Variants in SLC22A15 observed in about 807,000 individuals in gnomAD.
SLC22A15 encodes the protein solute carrier family 22 member 15.
Under a neutral mutation model 62.7 loss-of-function variants are expected in SLC22A15, and 45 were observed. That is an observed-to-expected ratio of 0.72 (90% CI 0.56 to 0.92). The LOEUF (loss-of-function observed/expected upper bound fraction) is 0.92, where lower values mean the gene tolerates loss of function less well. Among genes scored for constraint, SLC22A15 ranks in the 40% least tolerant of loss-of-function variants. The probability of loss-of-function intolerance (pLI) is 0.00; values close to 1 mark genes in which losing one functional copy is unlikely to be tolerated. For missense variants in SLC22A15, 622 were observed against 665.6 expected (o/e 0.93, Z 0.72); for synonymous variants, 264 against 267.0 (o/e 0.99, Z 0.11).
chr1:116,052,117 A>G (rs936841073), intron 8 of SLC22A15, among the ~76,000 whole-genome samples: 2 of 152,212 alleles, frequency 1.3e-5, no homozygotes, highest in African/African-American at 4.8e-5. Context: ...CTCACTCGGG[A>G]AGTGCAAGGG....
chr1:116,002,939 G>C (rs1655809244), intron 2 of SLC22A15, among the ~76,000 whole-genome samples: 1 of 151,928 alleles, frequency 6.6e-6, no homozygotes, highest in South Asian at 2.1e-4. Flanking sequence ...CCACAGCTGG[G>C]AATGTGCTGG....
intron 1 of SLC22A15, 134 bp downstream of exon 1, chr1:115,976,848 G>A (rs1352920102): frequency 4.5e-6 from 3 of 663,882 alleles, no homozygotes; most frequent in African/African-American, 3.9e-5. Flanking sequence ...GGCGAGCGTC[G>A]GGGTGGGGCA....
intron 8 of SLC22A15, among the ~76,000 whole-genome samples, chr1:116,057,608 G>A (rs1384669533): frequency 2.0e-5 from 3 of 152,108 alleles, no homozygotes; most frequent in Non-Finnish European, 2.9e-5. Context: ...ACATGCACAC[G>A]TATGTTTATT....
chr1:116,061,260 G>A (rs965336519), intron 8 of SLC22A15, among the ~76,000 whole-genome samples: 3 of 152,170 alleles, frequency 2.0e-5, no homozygotes, highest in Non-Finnish European at 2.9e-5. Context: ...TCTGAGGCAC[G>A]CCAGTTGAAT....
At chr1:116,034,701 G>T (rs996680469) in intron 6 of SLC22A15, among the ~76,000 whole-genome samples, 1 of 152,168 alleles carries the variant, frequency 6.6e-6, no homozygotes, top group East Asian at 1.9e-4. Flanking sequence ...TTTTGGGCCT[G>T]CAGGTGACCC....
chr1:116,039,615 A>C (rs1657730354), intron 8 of SLC22A15, among the ~76,000 whole-genome samples: 1 of 152,082 alleles, frequency 6.6e-6, no homozygotes, highest in Admixed American at 6.6e-5. Context: ...AATTTCTATA[A>C]TTAATAACCA....
chr1:116,054,856 C>T (rs1300942640), intron 8 of SLC22A15, among the ~76,000 whole-genome samples: 4 of 151,738 alleles, frequency 2.6e-5, no homozygotes, highest in South Asian at 4.2e-4. Context: ...TTGAAACCAA[C>T]GAGAACAAAG....
At position 116,068,132 on chromosome 1, in the gene SLC22A15, A is replaced by G. The variant is rs1156941020; in HGVS notation, c.*1024A>G. ...GCCCCAATCTGTTTAATCAAAATGGAAGGTTCAGTAATTTCATGGGAAACC... is the reference window on the plus strand; with the variant it reads ...GCCCCAATCTGTTTAATCAAAATGGGAGGTTCAGTAATTTCATGGGAAACC... On this transcript the variant is annotated 3_prime_UTR_variant, in exon 12 of 12. Transcript: ENST00000369503. 3 of 152,678 alleles carry G rather than the reference A, an allele frequency of 2.0e-5. No homozygotes were observed. The allele number at this position is 152,678 out of a possible 1,614,324, so 9.5% of individuals were successfully genotyped here.
chr1:116,054,758 A>G (rs1261861624), intron 8 of SLC22A15, among the ~76,000 whole-genome samples: 5 of 152,208 alleles, frequency 3.3e-5, no homozygotes, highest in Non-Finnish European at 7.3e-5. Flanking sequence ...ACTCACTCAA[A>G]ACTGCTCAAC....
intron 8 of SLC22A15, among the ~76,000 whole-genome samples, chr1:116,059,075 A>G (rs1159135204): frequency 6.6e-6 from 1 of 152,198 alleles, no homozygotes; most frequent in Non-Finnish European, 1.5e-5. Context: ...CATGTAACCA[A>G]ATACCACCTG....
chr1:116,001,507 A>G lies in SLC22A15; in HGVS notation c.300+9264A>G, dbSNP rs79587920. 5.8e-3 allele frequency among the ~76,000 whole-genome samples: 882 copies of G among 152,124 alleles called. 65 individuals carry two copies. In the East Asian group the frequency reaches 0.16, roughly 27 times the overall value. On this transcript the variant is annotated intron_variant, in intron 2 of 11. Transcript: ENST00000369503. ...AAACTGTTTTCTAGATCCTGTAGGCATGCTTTATTATTTTTTATTCTTTTT... is the reference window on the plus strand; with the variant it reads ...AAACTGTTTTCTAGATCCTGTAGGCGTGCTTTATTATTTTTTATTCTTTTT...
In SLC22A15 at chr1:116,037,294, A is replaced by G. The variant is rs751652718; in HGVS notation, c.1086-9A>G. 21 of 1,609,458 alleles carry G rather than the reference A, an allele frequency of 1.3e-5. No homozygotes were observed. The African/African-American group carries it at 2.7e-4, about 20-fold the overall frequency. On this transcript the variant is annotated splice_polypyrimidine_tract_variant and intron_variant, in intron 7 of 11. Coordinates refer to ENST00000369503, the MANE Select transcript of SLC22A15 (RefSeq NM_018420.3). ...TAAGAGAACTGTGTAATTTCTTTCTATTGTTTAGGTTTGGTCGGAAGCGAA... is the reference window on the plus strand; with the variant it reads ...TAAGAGAACTGTGTAATTTCTTTCTGTTGTTTAGGTTTGGTCGGAAGCGAA...
intron 2 of SLC22A15, among the ~76,000 whole-genome samples, chr1:116,005,606 A>G (rs1655937049): frequency 6.6e-6 from 1 of 152,164 alleles, no homozygotes; most frequent in African/African-American, 2.4e-5. Flanking sequence ...AGATGTTTTG[A>G]ACACTGATTC....
intron 8 of SLC22A15, among the ~76,000 whole-genome samples, chr1:116,038,763 C>T (rs1657699218): frequency 6.6e-6 from 1 of 152,086 alleles, no homozygotes; most frequent in Non-Finnish European, 1.5e-5. Context: ...TGCACAGGTA[C>T]CTTGAGAATT....
intron 1 of SLC22A15, among the ~76,000 whole-genome samples, chr1:115,977,661 TTGAC>T (rs1300449915): frequency 1.3e-5 from 2 of 152,224 alleles, no homozygotes; most frequent in African/African-American, 4.8e-5. Context: ...GGACAAATCA[TTGAC>T]TGCCCTCAGG....
At chr1:116,045,760 C>T (rs1333365687) in intron 8 of SLC22A15, among the ~76,000 whole-genome samples, 1 of 118,038 alleles carries the variant, frequency 8.5e-6, no homozygotes, top group Non-Finnish European at 1.8e-5. Flanking sequence ...AAAAAAAAGA[C>T]TTATAATGAA....
At chr1:116,012,659 C>T (rs904260727) in intron 2 of SLC22A15, among the ~76,000 whole-genome samples, 20 of 152,174 alleles carry the variant, frequency 1.3e-4, no homozygotes, top group African/African-American at 4.8e-4. Context: ...GAGTAAGATA[C>T]ACGCTGAAAC....
chr1:115,991,265 C>A lies in SLC22A15; in HGVS notation c.88-766C>A, dbSNP rs114442935. On this transcript the variant is annotated intron_variant, in intron 1 of 11. Coordinates refer to ENST00000369503, the MANE Select transcript of SLC22A15 (RefSeq NM_018420.3). ...AAGTAGCTGTAAAGCCCAGAACAAT[C>A]AGTGACAAATGGCATATATGTTTAA... Among the ~76,000 whole-genome samples the A allele has an allele frequency of 5.6e-3, 851 of 152,304 alleles. 4 individuals carry two copies. The highest frequency in any genetic ancestry group is 8.6e-3 in the Non-Finnish European group (585 of 68,032).
At chr1:115,983,763 A>G (rs914269669) in intron 1 of SLC22A15, among the ~76,000 whole-genome samples, 1 of 152,228 alleles carries the variant, frequency 6.6e-6, no homozygotes, top group Non-Finnish European at 1.5e-5. Flanking sequence ...AGGAGGATCC[A>G]TGGGAAGGTG....
Sources: allele counts gnomAD v4.1 joint callset (sites outside exome capture counted in the v4.1 genomes callset), GRCh38; gene constraint gnomAD v4.1.1; transcripts MANE v1.5; gene names NCBI Gene and HGNC (gene_info 2026-07-23, HGNC 2026-07-21).